HS3ST4: variants seen among roughly 807,000 people sequenced by gnomAD.
The protein encoded by HS3ST4 is heparan sulfate-glucosamine 3-sulfotransferase 4.
HS3ST4 carries 17 observed loss-of-function variants against 29.2 expected under a neutral mutation model. That is an observed-to-expected ratio of 0.58 (90% CI 0.40 to 0.87). The LOEUF (loss-of-function observed/expected upper bound fraction) is 0.87, where lower values mean the gene tolerates loss of function less well. Among genes scored for constraint, HS3ST4 ranks in the 40% least tolerant of loss-of-function variants. The pLI is 0.00. For missense variants in HS3ST4, 627 were observed against 634.5 expected, an observed-to-expected ratio of 0.99 and a Z score of 0.13; for synonymous variants, 314 against 285.7, an observed-to-expected ratio of 1.10 and a Z score of -1.00.
intron 1 of HS3ST4, among the ~76,000 whole-genome samples, chr16:25,997,569 T>G (rs996198299): frequency 6.6e-6 from 1 of 152,216 alleles, no homozygotes; most frequent in Non-Finnish European, 1.5e-5. Flanking sequence ...AATTTTTCAC[T>G]GGCTTCATGG....
intron 1 of HS3ST4, among the ~76,000 whole-genome samples, chr16:25,963,482 A>G (rs1968813949): frequency 6.6e-6 from 1 of 152,202 alleles, no homozygotes; most frequent in Admixed American, 6.5e-5. Flanking sequence ...TCAGCCAGTT[A>G]TTGGTACAGC....
chr16:26,064,918 G>T (rs1898525292), intron 1 of HS3ST4, among the ~76,000 whole-genome samples: 1 of 152,138 alleles, frequency 6.6e-6, no homozygotes, highest in African/African-American at 2.4e-5. Flanking sequence ...TGCCCAGCAG[G>T]ATTGTAGTCT....
intron 1 of HS3ST4, among the ~76,000 whole-genome samples, chr16:25,965,769 T>G (rs1251999151): frequency 6.6e-6 from 1 of 152,244 alleles, no homozygotes; most frequent in Non-Finnish European, 1.5e-5. Flanking sequence ...ACAAAATACT[T>G]ACAAATATAC....
chr16:25,779,983 A>T (rs1238013027), intron 1 of HS3ST4, among the ~76,000 whole-genome samples: 1 of 152,142 alleles, frequency 6.6e-6, no homozygotes, highest in Non-Finnish European at 1.5e-5. Flanking sequence ...CAGGTTGGTT[A>T]TTGCTCCATT....
intron 1 of HS3ST4, among the ~76,000 whole-genome samples, chr16:26,028,212 G>T (rs1214949480): frequency 6.8e-6 from 1 of 146,138 alleles, no homozygotes; most frequent in Non-Finnish European, 1.5e-5. Context: ...AGCAGAGGTT[G>T]CAGTGAGCCA....
chr16:25,977,974 C>A (rs1324814331), intron 1 of HS3ST4, among the ~76,000 whole-genome samples: 1 of 152,132 alleles, frequency 6.6e-6, no homozygotes, highest in Non-Finnish European at 1.5e-5. Context: ...AGAGGCTGAC[C>A]CAAGTGTGCC....
At chr16:26,002,940 CAT>C (rs763495669) in intron 1 of HS3ST4, among the ~76,000 whole-genome samples, 1 of 136,940 alleles carries the variant, frequency 7.3e-6, no homozygotes, top group Non-Finnish European at 1.6e-5. Flanking sequence ...TGCATTCTTA[CAT>C]TTTTTTTTTT....
chr16:26,093,396 G>A (rs1898881973), intron 1 of HS3ST4, among the ~76,000 whole-genome samples: 1 of 152,178 alleles, frequency 6.6e-6, no homozygotes. Flanking sequence ...TCCAGAGGAA[G>A]GATGAGGCAG....
chr16:25,733,808 G>A (rs75621136), intron 1 of HS3ST4, among the ~76,000 whole-genome samples: 7,816 of 152,192 alleles, frequency 0.051, 517 homozygotes, highest in East Asian at 0.23. Context: ...GAGTTAGGCT[G>A]GATTCTTTCA....
intron 1 of HS3ST4, among the ~76,000 whole-genome samples, chr16:25,993,990 G>A (rs1314822930): frequency 2.8e-5 from 4 of 144,282 alleles, no homozygotes; most frequent in Non-Finnish European, 6.2e-5. Flanking sequence ...GTGTGTGTGT[G>A]TGTGTGTGTG....
At chr16:25,977,749 TTTAA>T (rs1968958215) in intron 1 of HS3ST4, among the ~76,000 whole-genome samples, 1 of 152,242 alleles carries the variant, frequency 6.6e-6, no homozygotes, top group South Asian at 2.1e-4. Context: ...TTGTTTATTC[TTTAA>T]TTAAAGCCGT....
At chr16:26,134,680 G>GGGGCTTCTCCCGCCTTTTTT (rs1898257413) in intron 1 of HS3ST4, among the ~76,000 whole-genome samples, 5 of 152,162 alleles carry the variant, frequency 3.3e-5, no homozygotes, top group African/African-American at 1.2e-4. Context: ...AAGGCTCGAA[G>GGGGCTTCTCCCGCCTTTTTT]ATATAATTCA....
At chr16:25,758,744 T>C (rs1485037732) in intron 1 of HS3ST4, among the ~76,000 whole-genome samples, 2 of 151,714 alleles carry the variant, frequency 1.3e-5, no homozygotes, top group African/African-American at 4.8e-5. Context: ...TCACCTGAGG[T>C]TGGGAGTTTG....
intron 1 of HS3ST4, among the ~76,000 whole-genome samples, chr16:26,045,114 A>C (rs1596661461): frequency 6.6e-6 from 1 of 152,120 alleles, no homozygotes. Context: ...AGAGAGCCTG[A>C]CATATTACGA....
chr16:25,880,030 GA>G (rs1225485165), intron 1 of HS3ST4, among the ~76,000 whole-genome samples: 5 of 152,250 alleles, frequency 3.3e-5, no homozygotes, highest in Admixed American at 3.3e-4. Flanking sequence ...GACATGTGGG[GA>G]TTATTACAAT....
At chr16:25,996,940 A>G (rs1969163730) in intron 1 of HS3ST4, among the ~76,000 whole-genome samples, 1 of 152,248 alleles carries the variant, frequency 6.6e-6, no homozygotes, top group Admixed American at 6.5e-5. Flanking sequence ...AGGTTTCTTT[A>G]TATAAGTCCC....
chr16:25,756,979 A>G lies in HS3ST4; in HGVS notation c.734+63828A>G, dbSNP rs1350132729. Among the ~76,000 whole-genome samples, 4 of 152,264 alleles carry G rather than the reference A, an allele frequency of 2.6e-5. No individual in the cohort carries two copies. The East Asian group carries it at 7.7e-4, about 29-fold the overall frequency. On this transcript the variant is annotated intron_variant, in intron 1 of 1. Transcript: ENST00000331351. ...TATCTCTTTAATATGACCAAGAGCA[A>G]CCTGAGGGAAGGTACCTAGCCATGT... is the stretch of plus-strand genomic sequence containing the variant.
intron 1 of HS3ST4, among the ~76,000 whole-genome samples, chr16:25,950,313 C>T (rs1434550334): frequency 2.0e-5 from 3 of 152,042 alleles, no homozygotes; most frequent in Non-Finnish European, 4.4e-5. Context: ...CACATCACTC[C>T]AATGTAAACT....
At chr16:26,126,553 A>T (rs1179006807) in intron 1 of HS3ST4, among the ~76,000 whole-genome samples, 3 of 152,182 alleles carry the variant, frequency 2.0e-5, no homozygotes. Context: ...CCAAAGCCCC[A>T]CCTCTAATGA....
Sources: gnomAD v4.1 joint callset for allele counts (sites outside exome capture counted in the v4.1 genomes callset) on GRCh38, gnomAD v4.1.1 for gene constraint, MANE v1.5 for transcripts, NCBI Gene and HGNC (gene_info 2026-07-23, HGNC 2026-07-21) for gene names.